Variants in DLG1 observed in about 807,000 individuals in gnomAD.
DLG1 encodes the protein discs large MAGUK scaffold protein 1.
In DLG1, 42 loss-of-function variants were observed where a neutral mutation model predicts 123.4. The ratio of observed to expected loss-of-function variants is 0.34; its 90% CI spans 0.27 to 0.44. The LOEUF is 0.44. Among genes scored for constraint, DLG1 ranks in the 20% least tolerant of loss-of-function variants. The pLI is 1.00. For missense variants in DLG1, 942 were observed against 1,082.6 expected, an observed-to-expected ratio of 0.87 and a Z score of 1.82; for synonymous variants, 317 against 356.2, an observed-to-expected ratio of 0.89 and a Z score of 1.24.
intron 4 of DLG1, among the ~76,000 whole-genome samples, chr3:197,212,907 C>A (rs1404516530): frequency 1.3e-5 from 2 of 152,264 alleles, no homozygotes; most frequent in Admixed American, 1.3e-4. Context: ...ACAATACCCA[C>A]TAAATCACTG....
At chr3:197,107,294 C>A (rs1012052539) in intron 13 of DLG1, among the ~76,000 whole-genome samples, 9 of 152,180 alleles carry the variant, frequency 5.9e-5, no homozygotes, top group African/African-American at 1.7e-4. Context: ...CCTGTAATCC[C>A]AGCACTTTGG....
At chr3:197,298,377 C>A in intron 1 of DLG1, 159 bp downstream of exon 1, 1 of 397,886 alleles carries the variant, frequency 2.5e-6, no homozygotes. Context: ...ACTCGGACTC[C>A]ACAGGTGGCC....
chr3:197,077,752 G>C (rs1286467561), intron 17 of DLG1, among the ~76,000 whole-genome samples: 2 of 152,124 alleles, frequency 1.3e-5, no homozygotes, highest in Non-Finnish European at 1.5e-5. Flanking sequence ...AGAACGATGA[G>C]GCTATTAAAC....
At chr3:197,093,720 A>G (rs1759069110) in intron 14 of DLG1, among the ~76,000 whole-genome samples, 1 of 152,048 alleles carries the variant, frequency 6.6e-6, no homozygotes, top group African/African-American at 2.4e-5. Flanking sequence ...ATATAACTGA[A>G]ATTGTTCTCA....
intron 4 of DLG1, among the ~76,000 whole-genome samples, chr3:197,228,635 C>T (rs1190243953): frequency 2.0e-5 from 3 of 151,972 alleles, no homozygotes; most frequent in Non-Finnish European, 4.4e-5. Context: ...TTGGGACCTA[C>T]CAGGAAAAAT....
At chr3:197,077,908 A>G (rs1249052438) in intron 17 of DLG1, among the ~76,000 whole-genome samples, 1 of 152,098 alleles carries the variant, frequency 6.6e-6, no homozygotes, top group Non-Finnish European at 1.5e-5. Context: ...TCTGATTTTT[A>G]TGAGTTTATA....
chr3:197,124,532 A>C (rs779973924), intron 11 of DLG1, among the ~76,000 whole-genome samples: 1 of 151,842 alleles, frequency 6.6e-6, no homozygotes, highest in Non-Finnish European at 1.5e-5. Context: ...CCTCGGCCTC[A>C]CAAAGTGCTG....
At chr3:197,146,993 T>C (rs142365348) in intron 6 of DLG1, among the ~76,000 whole-genome samples, 59 of 152,152 alleles carry the variant, frequency 3.9e-4, no homozygotes, top group African/African-American at 1.2e-3. Context: ...AGGACATGAA[T>C]AGAAAATTCT....
At chr3:197,263,445 A>G (rs1471745488) in intron 4 of DLG1, among the ~76,000 whole-genome samples, 2 of 152,148 alleles carry the variant, frequency 1.3e-5, no homozygotes, top group Non-Finnish European at 2.9e-5. Context: ...CCTATGTTTC[A>G]GTTTTTAAAT....
intron 5 of DLG1, among the ~76,000 whole-genome samples, chr3:197,191,153 C>T (rs1381672323): frequency 1.3e-5 from 2 of 152,082 alleles, no homozygotes; most frequent in African/African-American, 4.8e-5. Flanking sequence ...TGGGATTTCA[C>T]TGGTGAAATC....
intron 11 of DLG1, among the ~76,000 whole-genome samples, chr3:197,127,289 G>T (rs1779601538): frequency 6.6e-6 from 1 of 150,410 alleles, no homozygotes; most frequent in African/African-American, 2.4e-5. Context: ...CAGTCATGGT[G>T]TCGCAAGCCT....
At chr3:197,147,864 A>T (rs1427977956) in intron 6 of DLG1, among the ~76,000 whole-genome samples, 1 of 136,740 alleles carries the variant, frequency 7.3e-6, no homozygotes, top group Non-Finnish European at 1.6e-5. Context: ...GAAGTTTCCC[A>T]TCCTTTAAAA....
At chr3:197,085,124 T>A (rs892295156) in intron 16 of DLG1, among the ~76,000 whole-genome samples, 5 of 150,760 alleles carry the variant, frequency 3.3e-5, no homozygotes, top group Admixed American at 1.3e-4. Flanking sequence ...CTTAATGATT[T>A]TATATATATA....
intron 4 of DLG1, among the ~76,000 whole-genome samples, chr3:197,211,895 G>T (rs1731428042): frequency 6.8e-6 from 1 of 146,758 alleles, no homozygotes; most frequent in South Asian, 2.6e-4. Flanking sequence ...ATACACCATG[G>T]GATACCATGC....
At chr3:197,231,533 T>C (rs1743049603) in intron 4 of DLG1, among the ~76,000 whole-genome samples, 1 of 151,778 alleles carries the variant, frequency 6.6e-6, no homozygotes, top group Admixed American at 6.6e-5. Flanking sequence ...AAACCCTGTC[T>C]CTACAAAAAA....
intron 22 of DLG1, among the ~76,000 whole-genome samples, chr3:197,064,862 AG>A (rs1249991157): frequency 6.6e-6 from 1 of 151,580 alleles, no homozygotes; most frequent in African/African-American, 2.4e-5. Context: ...GCTGGAGTTC[AG>A]TGGCATGCTC....
At chr3:197,062,870 C>T (rs977411741) in intron 22 of DLG1, among the ~76,000 whole-genome samples, 3 of 152,128 alleles carry the variant, frequency 2.0e-5, no homozygotes, top group Non-Finnish European at 4.4e-5. Flanking sequence ...TCATATTCAT[C>T]GCTCTAATTA....
chr3:197,184,035 T>C, intron 5 of DLG1: 1 of 1,303,344 alleles, frequency 7.7e-7, no homozygotes, highest in African/African-American at 1.5e-5. Context: ...AGTTTATTTT[T>C]GCAGACAAAA....
rs147303045 is a variant in DLG1, at chr3:197,155,866, T to C, written c.484-6070A>G. Among the ~76,000 whole-genome samples the C allele has an allele frequency of 6.6e-5, 10 of 152,176 alleles. No individual in the cohort carries two copies. The South Asian group carries it at 8.3e-4, about 13-fold the overall frequency. ...CAGGAGACTGAGGCGGGAGAATCGA[T>C]TGGGCCCAAGAGGTTGAGGCTGCAG... On this transcript the variant is annotated intron_variant, in intron 5 of 24. Coordinates refer to ENST00000667157, the MANE Select transcript of DLG1 (RefSeq NM_001366207.1).
Sources: gnomAD v4.1 joint callset for allele counts (sites outside exome capture counted in the v4.1 genomes callset) on GRCh38, gnomAD v4.1.1 for gene constraint, MANE v1.5 for transcripts, NCBI Gene and HGNC (gene_info 2026-07-23, HGNC 2026-07-21) for gene names.